LINGO2: variants seen among roughly 807,000 people sequenced by gnomAD.
LINGO2 encodes leucine-rich repeat and immunoglobulin-like domain-containing nogo receptor-interacting protein 2.
LINGO2 carries 14 observed loss-of-function variants against 30.6 expected under a neutral mutation model. The ratio of observed to expected loss-of-function variants is 0.46; its 90% confidence interval spans 0.30 to 0.72. LINGO2 has a LOEUF of 0.72. Among genes scored for constraint, LINGO2 ranks in the 30% least tolerant of loss-of-function variants. The pLI, the probability that LINGO2 is intolerant of heterozygous loss-of-function variation, is 0.07. For missense variants in LINGO2, 729 were observed against 751.7 expected (o/e 0.97, Z 0.35); for synonymous variants, 317 against 288.5 (o/e 1.10, Z -1.00).
At chr9:28,243,338 T>C (rs1266073837) in intron 4 of LINGO2, among the ~76,000 whole-genome samples, 3 of 151,874 alleles carry the variant, frequency 2.0e-5, no homozygotes, top group Non-Finnish European at 4.4e-5. Context: ...TGGGTGCCTG[T>C]AGTCCCAGCT....
chr9:28,750,472 G>C, the LINGO2 span, among the ~76,000 whole-genome samples: 1 of 152,114 alleles, frequency 6.6e-6, no homozygotes, highest in African/African-American at 2.4e-5. Flanking sequence ...AATCCTTCCA[G>C]CTGGGAGTGG....
the LINGO2 span, among the ~76,000 whole-genome samples, chr9:29,002,813 T>C: frequency 1.3e-3 from 200 of 152,114 alleles, 1 homozygote; most frequent in Non-Finnish European, 2.0e-3. Context: ...TAGTGTCCTT[T>C]ACCTGCTAGT....
the LINGO2 span, among the ~76,000 whole-genome samples, chr9:29,112,102 TTTA>T: frequency 3.3e-5 from 5 of 151,816 alleles, no homozygotes; most frequent in Non-Finnish European, 7.4e-5. Context: ...TATATCTGAA[TTTA>T]TTATCTTTTA....
chr9:28,689,139 G>C, the LINGO2 span, among the ~76,000 whole-genome samples: 3 of 152,152 alleles, frequency 2.0e-5, no homozygotes, highest in African/African-American at 7.2e-5. Flanking sequence ...GATGAAGTAA[G>C]TGGCCCTATT....
chr9:28,006,224 CTG>C (rs1316135269), intron 5 of LINGO2, among the ~76,000 whole-genome samples: 2 of 152,044 alleles, frequency 1.3e-5, no homozygotes, highest in Non-Finnish European at 2.9e-5. Flanking sequence ...ACAAGAAACT[CTG>C]AATGTGAAAT....
intron 5 of LINGO2, among the ~76,000 whole-genome samples, chr9:27,977,321 T>C (rs1297080607): frequency 6.6e-6 from 1 of 151,744 alleles, no homozygotes; most frequent in African/African-American, 2.4e-5. Flanking sequence ...AGGCTTCAAC[T>C]GCTGGGAATA....
rs186137660 is a variant in LINGO2 at position 28,435,588 on chromosome 9, T to C, written c.-279+40352A>G. The stretch of plus-strand genomic sequence containing the variant: ...CTGTGAATTTAACATAGAATGACAA[T>C]GTAATAGGAGAAAAAACAATGTAGA... On this transcript the variant is annotated intron_variant, in intron 2 of 5. Coordinates refer to ENST00000379992, the Ensembl canonical transcript of LINGO2. Among the ~76,000 whole-genome samples the C allele has an allele frequency of 1.5e-3, 227 of 152,292 alleles. 2 individuals carry two copies. The highest frequency in any genetic ancestry group is 8.7e-3 in the South Asian group (42 of 4,820).
chr9:28,974,844 T>C, the LINGO2 span, among the ~76,000 whole-genome samples: 1 of 152,064 alleles, frequency 6.6e-6, no homozygotes, highest in East Asian at 1.9e-4. Context: ...GAGAAAATCC[T>C]GACTCAAAAT....
intron 1 of LINGO2, among the ~76,000 whole-genome samples, chr9:28,542,117 T>A (rs1821725613): frequency 6.6e-6 from 1 of 152,090 alleles, no homozygotes; most frequent in Non-Finnish European, 1.5e-5. Context: ...GTGATGCCAA[T>A]CAACAAAGCA....
At chr9:29,158,201 A>T in the LINGO2 span, among the ~76,000 whole-genome samples, 10 of 151,494 alleles carry the variant, frequency 6.6e-5, no homozygotes, top group Non-Finnish European at 1.0e-4. Flanking sequence ...AAACAAAAAA[A>T]AAACAAATGG....
At position 28,397,411 on chromosome 9, in the gene LINGO2, C is replaced by A. The variant is rs1822093461; in HGVS notation, c.-278-24543G>T. ...TACACACATTATGGTATGGATAAAT[C>A]TAGCTAATTAACACATGTATTACCT... On this transcript the variant is annotated intron_variant, in intron 2 of 5. Coordinates refer to ENST00000379992, the Ensembl canonical transcript of LINGO2. Among the ~76,000 whole-genome samples the A allele has an allele frequency of 2.0e-5, 3 of 147,806 alleles. No homozygotes were observed. The Admixed American group carries it at 2.0e-4, about 10-fold the overall frequency.
intron 3 of LINGO2, among the ~76,000 whole-genome samples, chr9:28,336,854 A>G (rs1410501394): frequency 6.6e-6 from 1 of 151,726 alleles, no homozygotes; most frequent in Non-Finnish European, 1.5e-5. Context: ...TTATTACTAG[A>G]ATACTTTTTT....
intron 4 of LINGO2, among the ~76,000 whole-genome samples, chr9:28,107,977 C>A (rs1339433697): frequency 6.6e-6 from 1 of 152,056 alleles, no homozygotes; most frequent in Admixed American, 6.6e-5. Flanking sequence ...AAAGTAGAAT[C>A]CACAGGAGTT....
chr9:28,630,809 C>T (rs910857353), intron 1 of LINGO2, among the ~76,000 whole-genome samples: 1 of 151,858 alleles, frequency 6.6e-6, no homozygotes, highest in African/African-American at 2.4e-5. Flanking sequence ...TAGTTTAACA[C>T]TCTACTGAGA....
intron 5 of LINGO2, among the ~76,000 whole-genome samples, chr9:28,003,386 T>TAGATAGATAGATATATAG (rs1554653804): frequency 7.4e-6 from 1 of 134,878 alleles, no homozygotes; most frequent in Admixed American, 7.2e-5. Flanking sequence ...TAGATAGATA[T>TAGATAGATAGATATATAG]AGAGAGAGAG....
chr9:28,753,335 A>T, the LINGO2 span, among the ~76,000 whole-genome samples: 6 of 152,056 alleles, frequency 3.9e-5, no homozygotes, highest in Non-Finnish European at 7.4e-5. Context: ...AAATCTTCTT[A>T]CAGAAAAGTA....
intron 4 of LINGO2, among the ~76,000 whole-genome samples, chr9:28,240,707 G>A (rs1023006463): frequency 1.3e-5 from 2 of 152,036 alleles, no homozygotes; most frequent in Non-Finnish European, 2.9e-5. Flanking sequence ...AAAACCTTGG[G>A]GGAAACTCCA....
intron 4 of LINGO2, among the ~76,000 whole-genome samples, chr9:28,291,986 A>T (rs1007770128): frequency 6.6e-6 from 1 of 152,184 alleles, no homozygotes. Context: ...GAAACAACCA[A>T]GGCAGAAGAC....
chr9:28,036,296 T>C (rs1293780975), intron 4 of LINGO2, among the ~76,000 whole-genome samples: 1 of 152,154 alleles, frequency 6.6e-6, no homozygotes, highest in Non-Finnish European at 1.5e-5. Context: ...ATTAGCTAAT[T>C]ATTCTTTTTT....
Sources: gnomAD v4.1 joint callset for allele counts (sites outside exome capture counted in the v4.1 genomes callset) on GRCh38, gnomAD v4.1.1 for gene constraint, MANE v1.5 for transcripts, NCBI Gene and HGNC (gene_info 2026-07-23, HGNC 2026-07-21) for gene names.